PRH1: variants seen among roughly 807,000 people sequenced by gnomAD.
PRH1 encodes proline rich protein HaeIII subfamily 1, also known as salivary acidic proline-rich phosphoprotein 1/2.
PRH1 carries 7 observed loss-of-function variants against 7.9 expected under a neutral mutation model. That is an observed-to-expected ratio of 0.89 (90% confidence interval 0.50 to 1.67). The LOEUF (loss-of-function observed/expected upper bound fraction) is 1.67, where lower values mean the gene tolerates loss of function less well. PRH1 is among the 40% of genes most tolerant of loss of function. The pLI is 0.00. For synonymous variants in PRH1, 45 were observed against 80.8 expected, an observed-to-expected ratio of 0.56 and a Z score of 2.38; for missense variants, 109 against 223.6, an observed-to-expected ratio of 0.49 and a Z score of 3.27.
chr12:10,964,561 G>C, intron 2 of PRH1: 1 of 314,106 alleles, frequency 3.2e-6, no homozygotes, highest in Non-Finnish European at 6.3e-6. Context: ...TAGTTTGGCT[G>C]AGCATGAGGA....
At chr12:10,992,729 GAA>G (rs1940003022) in intron 1 of PRH1, among the ~76,000 whole-genome samples, 1 of 152,144 alleles carries the variant, frequency 6.6e-6, no homozygotes. Flanking sequence ...ATGAGTTTTT[GAA>G]AGTCAGATGC....
chr12:10,884,176 G>A lies in PRH1; in HGVS notation c.42C>T (p.Ser14=). The A allele has an allele frequency of 6.2e-7, 1 of 1,614,158 alleles. No individual in the cohort carries two copies. Among genetic ancestry groups the A allele is most frequent in the Non-Finnish European group, 8.5e-7 (1 of 1,180,026 alleles). The change falls in exon 1 of 4, where the codon AGC becomes AGT. Residue 14 remains serine (S), a synonymous_variant. Transcript: ENST00000543626. ...TACCTTCATTTAAATCCTGAGCTGA[G>A]CTGAAGGCCAGCAGGGCCACTGACA... ...ILLSVALLAF[S]SAQDLNEDVS... is the part of the protein sequence containing the mutation.
At position 11,091,786 on chromosome 12, in the gene PRH1, G is replaced by C. The variant is rs775393495; in HGVS notation, n.124-44598C>G. 49 of 1,433,774 alleles carry C rather than the reference G, an allele frequency of 3.4e-5. 5 individuals carry two copies. The highest frequency in any genetic ancestry group is 4.6e-5 in the Non-Finnish European group (47 of 1,019,982). The allele number at this position is 1,433,774 out of a possible 1,614,324, so 88.8% of individuals were successfully genotyped here. ...CTTTTGTCCGCACAATCTCATTCAT[G>C]TTTATCACAAAAAGATGACAAGCCA... On this transcript the variant is annotated intron_variant and non_coding_transcript_variant, in intron 1 of 4. Coordinates refer to the PRH1 transcript ENST00000541977.
chr12:10,955,900 A>T (rs936868364), intron 2 of PRH1, among the ~76,000 whole-genome samples: 1 of 152,070 alleles, frequency 6.6e-6, no homozygotes, highest in African/African-American at 2.4e-5. Flanking sequence ...TCCCTGAGCA[A>T]ACCAATAACA....
chr12:10,904,394 G>T (rs1395827524), intron 2 of PRH1, among the ~76,000 whole-genome samples: 1 of 152,018 alleles, frequency 6.6e-6, no homozygotes, highest in Non-Finnish European at 1.5e-5. Flanking sequence ...GCCATCTGAT[G>T]TTTGACAAAA....
chr12:10,965,053 A>T (rs1349148672), intron 2 of PRH1: 1 of 1,016,416 alleles, frequency 9.8e-7, no homozygotes, highest in Non-Finnish European at 1.5e-6. Flanking sequence ...TGCTGAGGCT[A>T]GTAGCAACCC....
At chr12:11,008,276 T>C (rs1940916845) in intron 1 of PRH1, among the ~76,000 whole-genome samples, 1 of 151,998 alleles carries the variant, frequency 6.6e-6, no homozygotes, top group Non-Finnish European at 1.5e-5. Flanking sequence ...AATGAGAAGA[T>C]TAATAATTTC....
intron 1 of PRH1, among the ~76,000 whole-genome samples, chr12:11,148,992 A>G (rs999646772): frequency 1.3e-5 from 2 of 149,954 alleles, no homozygotes; most frequent in Non-Finnish European, 3.0e-5. Flanking sequence ...CAGAGACTCA[A>G]CTTCTTCCTG....
chr12:10,906,806 C>G (rs1949811344), intron 2 of PRH1, among the ~76,000 whole-genome samples: 1 of 152,100 alleles, frequency 6.6e-6, no homozygotes, highest in Admixed American at 6.6e-5. Flanking sequence ...TATAAGTTAC[C>G]CAGTCTTGAG....
chr12:11,144,876 GGT>G (rs2136404444), intron 1 of PRH1, among the ~76,000 whole-genome samples: 1 of 152,300 alleles, frequency 6.6e-6, no homozygotes, highest in African/African-American at 2.4e-5. Context: ...CTCCAGTGGT[GGT>G]GTGTGTTCAG....
chr12:10,972,928 A>C (rs1213024542), intron 2 of PRH1, among the ~76,000 whole-genome samples: 143 of 100,026 alleles, frequency 1.4e-3, no homozygotes, highest in Middle Eastern at 4.5e-3. Context: ...AAGCACCACA[A>C]CCCACCCCCC....
At chr12:10,938,070 T>G in intron 2 of PRH1, 1 of 499,584 alleles carries the variant, frequency 2.0e-6, no homozygotes, top group Non-Finnish European at 3.5e-6. Flanking sequence ...AGTATTCGCA[T>G]TCTTCTCTGT....
At chr12:11,073,215 T>C (rs1944155565) in intron 1 of PRH1, among the ~76,000 whole-genome samples, 1 of 121,412 alleles carries the variant, frequency 8.2e-6, no homozygotes, top group African/African-American at 2.8e-5. Context: ...CACTGCAAAC[T>C]TCGCCTCCTG....
intron 2 of PRH1, among the ~76,000 whole-genome samples, chr12:10,965,523 T>C (rs1023244777): frequency 6.6e-6 from 1 of 152,268 alleles, no homozygotes; most frequent in Non-Finnish European, 1.5e-5. Context: ...CAGTTTATGC[T>C]AATTGATAGT....
chr12:10,921,609 G>C (rs1457437673), intron 2 of PRH1, among the ~76,000 whole-genome samples: 1 of 151,838 alleles, frequency 6.6e-6, no homozygotes, highest in African/African-American at 2.4e-5. Flanking sequence ...ATTATATTTT[G>C]ATTTTCTATT....
rs71051557 is a variant in PRH1, at chr12:11,042,623, C to CTTTTTTTTTTTTTTTTTTTTT, written c.-126+4376_-126+4396dup. On this transcript the variant is annotated intron_variant, in intron 1 of 3. Transcript: ENST00000539853. ...AAGAGGGACTACTTCCAGGCTCATT[C>CTTTTTTTTTTTTTTTTTTTTT]TTTTTTTTTTTTTTTTTTTTTTTTG... is the stretch of plus-strand genomic sequence containing the variant. Among the ~76,000 whole-genome samples, 211 of 79,304 alleles carry CTTTTTTTTTTTTTTTTTTTTT rather than the reference C, an allele frequency of 2.7e-3. 20 individuals are homozygous for CTTTTTTTTTTTTTTTTTTTTT. The highest frequency in any genetic ancestry group is 3.4e-3 in the Non-Finnish European group (150 of 43,796). 52.0% of individuals were successfully genotyped at this position (79,304 alleles called of 152,430 possible). A position where few individuals can be genotyped will look rare whatever the true frequency, so the allele number is the denominator to read the frequency against.
At chr12:10,955,104 G>C (rs984871215) in intron 2 of PRH1, among the ~76,000 whole-genome samples, 5 of 151,922 alleles carry the variant, frequency 3.3e-5, no homozygotes, top group African/African-American at 1.2e-4. Flanking sequence ...CCACAAAACA[G>C]TTCACCCCAA....
intron 2 of PRH1, among the ~76,000 whole-genome samples, chr12:10,945,008 T>C (rs545816814): frequency 1.6e-4 from 24 of 152,176 alleles, no homozygotes; most frequent in African/African-American, 5.5e-4. Context: ...AGGATTTTGG[T>C]CTGTAATTTT....
chr12:11,160,177 C>T (rs1947371306), intron 1 of PRH1, among the ~76,000 whole-genome samples: 1 of 152,114 alleles, frequency 6.6e-6, no homozygotes, highest in East Asian at 1.9e-4. Flanking sequence ...ACATTTATTT[C>T]AGTAATTATT....
Sources: gnomAD v4.1 joint callset for allele counts (sites outside exome capture counted in the v4.1 genomes callset) on GRCh38, gnomAD v4.1.1 for gene constraint, MANE v1.5 for transcripts, NCBI Gene and HGNC (gene_info 2026-07-23, HGNC 2026-07-21) for gene names.